The following ZNF174 variants were observed in gnomAD, a reference collection of about 807,000 sequenced individuals.
ZNF174 encodes the protein AW-1.
A neutral mutation model predicts 38.7 loss-of-function variants in ZNF174; 30 were observed. That is an observed-to-expected ratio of 0.78 (90% CI 0.58 to 1.05). ZNF174 has a LOEUF of 1.05. ZNF174 is among the 50% of genes least tolerant of loss of function. The pLI, the probability that ZNF174 is intolerant of heterozygous loss-of-function variation, is 0.00. For synonymous variants in ZNF174, 201 were observed against 181.7 expected, an observed-to-expected ratio of 1.11 and a Z score of -0.86; for missense variants, 499 against 495.6, an observed-to-expected ratio of 1.01 and a Z score of -0.06.
In ZNF174 at chr16:3,409,321, A is replaced by G. The variant is rs572758189; in HGVS notation, c.*402A>G. Reference sequence around the variant, plus strand: ...TTGCTGTCATACCAGACAATTTTTTATCATGAGCACACTTCTTTAATAAAG... The same window carrying G: ...TTGCTGTCATACCAGACAATTTTTTGTCATGAGCACACTTCTTTAATAAAG... On this transcript the variant is annotated 3_prime_UTR_variant, in exon 3 of 3. Coordinates refer to ENST00000268655, the MANE Select transcript of ZNF174 (RefSeq NM_003450.3). 5.4e-4 allele frequency: 93 copies of G among 171,552 alleles called. No homozygotes were observed. Among genetic ancestry groups the G allele is most frequent in the African/African-American group, 2.0e-3 (86 of 42,042 alleles). 10.6% of individuals were successfully genotyped at this position (171,552 alleles called of 1,614,324 possible).
chr16:3,401,473 G>A lies in ZNF174; in HGVS notation c.-532G>A, dbSNP rs2033896206. 1 of 152,912 alleles carries A rather than the reference G, an allele frequency of 6.5e-6. No homozygotes were observed. 9.5% of individuals were successfully genotyped at this position (152,912 alleles called of 1,614,324 possible). A position where few individuals can be genotyped will look rare whatever the true frequency, so the allele number is the denominator to read the frequency against. On this transcript the variant is annotated 5_prime_UTR_variant, in exon 1 of 3. Transcript: ENST00000268655. ...TGCGGCGCCTCGGCAGCGAGCAGCCGCTTTGCTCGCGTGCAGGAGGCTGTT... is the reference window on the plus strand; with the variant it reads ...TGCGGCGCCTCGGCAGCGAGCAGCCACTTTGCTCGCGTGCAGGAGGCTGTT...
chr16:3,404,219 C>T (rs2034016625), intron 1 of ZNF174, among the ~76,000 whole-genome samples: 1 of 152,182 alleles, frequency 6.6e-6, no homozygotes. Context: ...TAGGGGAAGC[C>T]ACTCGGCTGA....
intron 2 of ZNF174, chr16:3,405,051 G>C: frequency 6.3e-7 from 1 of 1,582,842 alleles, no homozygotes; most frequent in African/African-American, 1.4e-5. Flanking sequence ...TTATATCTTT[G>C]TCCTCCTCTG....
At chr16:3,404,295 G>A (rs1195988897) in intron 1 of ZNF174, 131 bp from the exon 2 acceptor site, 1 of 869,970 alleles carries the variant, frequency 1.1e-6, no homozygotes, top group Non-Finnish European at 1.8e-6. Flanking sequence ...GGGTTTCAGT[G>A]GTTTCTATGA....
intron 2 of ZNF174, among the ~76,000 whole-genome samples, chr16:3,406,464 G>T (rs1006349822): frequency 1.6e-4 from 25 of 152,126 alleles, no homozygotes; most frequent in African/African-American, 5.3e-4. Flanking sequence ...ACTTGTTATT[G>T]TCTTATACCC....
rs185124233 is a variant in ZNF174 at position 3,409,155 on chromosome 16, T to G, written c.*236T>G. ...GGCACTGGGGCAAAGAGAACTTAAG[T>G]CTCTGCAGAGAGCAAGGAGTAACTA... On this transcript the variant is annotated 3_prime_UTR_variant, in exon 3 of 3. Transcript: ENST00000268655. 40 of 531,378 alleles carry G rather than the reference T, an allele frequency of 7.5e-5. No homozygotes were observed. The highest frequency in any genetic ancestry group is 2.4e-4 in the Admixed American group (7 of 28,596). 32.9% of individuals were successfully genotyped at this position (531,378 alleles called of 1,614,324 possible).
rs528646946 is a variant in ZNF174 at position 3,406,430 on chromosome 16, C to T, written c.625+1782C>T. On this transcript the variant is annotated intron_variant, in intron 2 of 2. Coordinates refer to ENST00000268655, the MANE Select transcript of ZNF174 (RefSeq NM_003450.3). ...CCCCACCAATACTGTGTGAGGATTC[C>T]GATTTCTCCACATTCTTGCTAGCAC... Among the ~76,000 whole-genome samples, 222 of 152,274 alleles carry T rather than the reference C, an allele frequency of 1.5e-3. 1 individual carries two copies. The highest frequency in any genetic ancestry group is 6.8e-3 in the Middle Eastern group (2 of 294).
chr16:3,403,885 TAGGCAAGA>T (rs1309352922), intron 1 of ZNF174, among the ~76,000 whole-genome samples: 1 of 152,170 alleles, frequency 6.6e-6, no homozygotes, highest in Non-Finnish European at 1.5e-5. Flanking sequence ...AGTCAGGACC[TAGGCAAGA>T]AGCAAACGGC....
At chr16:3,406,077 C>T (rs1348032115) in intron 2 of ZNF174, among the ~76,000 whole-genome samples, 1 of 152,206 alleles carries the variant, frequency 6.6e-6, no homozygotes, top group African/African-American at 2.4e-5. Context: ...TTTCACTGAG[C>T]ATGTTTTCAA....
intron 2 of ZNF174, 64 bp from the exon 3 acceptor site, chr16:3,408,257 A>G (rs2034080907): frequency 2.0e-6 from 3 of 1,478,906 alleles, no homozygotes; most frequent in South Asian, 1.3e-5. Context: ...AGAGTATTTC[A>G]TAACTCTTGC....
chr16:3,401,657 C>A lies in ZNF174; in HGVS notation c.-348C>A, dbSNP rs1227712321. Reference sequence around the variant, plus strand: ...TTCCTAGGGATTCCGCTCCACCCGCCGGTTAGAGCGTATTGCTCATTAAAT... The same window carrying A: ...TTCCTAGGGATTCCGCTCCACCCGCAGGTTAGAGCGTATTGCTCATTAAAT... On this transcript the variant is annotated 5_prime_UTR_variant, in exon 1 of 3. Coordinates refer to ENST00000268655, the MANE Select transcript of ZNF174 (RefSeq NM_003450.3). 4.7e-6 allele frequency: 1 copy of A among 213,882 alleles called. No homozygotes were observed. The highest frequency in any genetic ancestry group is 2.4e-5 in the African/African-American group (1 of 41,944). The allele number at this position is 213,882 out of a possible 1,614,324, so 13.2% of individuals were successfully genotyped here.
In ZNF174 at chr16:3,401,244, G is replaced by A. The variant is rs984154244; in HGVS notation, c.-761G>A. The A allele has an allele frequency of 6.6e-6, 1 of 152,392 alleles. No individual in the cohort carries two copies. The highest frequency in any genetic ancestry group is 2.4e-5 in the African/African-American group (1 of 41,464). The allele number at this position is 152,392 out of a possible 1,614,324, so 9.4% of individuals were successfully genotyped here. On this transcript the variant is annotated 5_prime_UTR_variant, in exon 1 of 3. Coordinates refer to ENST00000268655, the MANE Select transcript of ZNF174 (RefSeq NM_003450.3). The stretch of plus-strand genomic sequence containing the variant: ...CGTGCTCGCCGGTGTCGGGTCCTAA[G>A]TCCCTCGGTCTTGGGTTCCCGGAGA...
chr16:3,407,643 A>T (rs112001380), intron 2 of ZNF174, among the ~76,000 whole-genome samples: 2 of 152,202 alleles, frequency 1.3e-5, no homozygotes, highest in African/African-American at 4.8e-5. Flanking sequence ...GTGTGCACAC[A>T]CACATTTTCC....
Position 3,408,828 on chromosome 16 carries a change from G to T in ZNF174, c.1133G>T (p.Gly378Val). 6.2e-7 allele frequency: 1 copy of T among 1,614,184 alleles called. No individual in the cohort carries two copies. Among genetic ancestry groups the T allele is most frequent in the Non-Finnish European group, 8.5e-7 (1 of 1,180,038 alleles). Residue 378 changes from glycine to valine, a missense_variant, in exon 3 of 3, where the codon GGA (glycine) becomes GTA (valine). Physicochemically the swap from Gly to Val is moderately radical, Grantham distance 109. Transcript: ENST00000268655. ...TLKLHQRIHT[G>V]EKPYQCGQCG... is the part of the protein sequence containing the mutation. ...AAGCTGCACCAGAGGATCCACACTG[G>T]AGAGAAGCCATACCAGTGTGGCCAG...
chr16:3,402,244 C>G lies in ZNF174; in HGVS notation c.240C>G (p.His80Gln), dbSNP rs780396020. 4 of 1,614,030 alleles carry G rather than the reference C, an allele frequency of 2.5e-6. No individual in the cohort carries two copies. The highest frequency in any genetic ancestry group is 3.4e-6 in the Non-Finnish European group (4 of 1,180,034). ...GTCAGTGGTTGCAACCCGAGCTGCA[C>G]ACCAAGGAGCAGATTTTGGAGCTTC... is the stretch of plus-strand genomic sequence containing the variant. ...LCRQWLQPEL[H>Q]TKEQILELLV... The change falls in exon 1 of 3, where the codon CAC becomes CAG. Residue 80 changes from histidine to glutamine, a missense_variant. Physicochemically the swap from His to Gln is conservative, Grantham distance 24. Transcript: ENST00000268655.
rs1030312216 is a variant in ZNF174 at position 3,406,511 on chromosome 16, A to T, written c.626-1810A>T. On this transcript the variant is annotated intron_variant, in intron 2 of 2. Transcript: ENST00000268655. ...TGAGAAATTTTGATTTGAGGTTTTG[A>T]TTTACATTTCCCTAGTGACTAATGG... Among the ~76,000 whole-genome samples, 4 of 152,268 alleles carry T rather than the reference A, an allele frequency of 2.6e-5. No homozygotes were observed. In the East Asian group the frequency reaches 5.8e-4, roughly 22 times the overall value.
chr16:3,406,262 T>C (rs2034054248), intron 2 of ZNF174, among the ~76,000 whole-genome samples: 2 of 152,228 alleles, frequency 1.3e-5, no homozygotes, highest in Admixed American at 1.3e-4. Context: ...TATAAATGTG[T>C]GTTTTTGTGT....
At position 3,402,256 on chromosome 16, in the gene ZNF174, G is replaced by A. The variant is rs2033933002; in HGVS notation, c.252G>A (p.Gln84=). The A allele has an allele frequency of 6.2e-7, 1 of 1,614,102 alleles. No individual in the cohort carries two copies. The highest frequency in any genetic ancestry group is 8.5e-7 in the Non-Finnish European group (1 of 1,180,018). ...WLQPELHTKE[Q]ILELLVMEQF... ...AACCCGAGCTGCACACCAAGGAGCA[G>A]ATTTTGGAGCTTCTGGTGATGGAGC... Residue 84 remains glutamine, a synonymous_variant, in exon 1 of 3, where the codon CAG becomes CAA. Transcript: ENST00000268655.
intron 1 of ZNF174, among the ~76,000 whole-genome samples, chr16:3,402,840 G>T (rs2033974210): frequency 6.6e-6 from 1 of 152,160 alleles, no homozygotes; most frequent in East Asian, 1.9e-4. Context: ...GGCTTCAGAA[G>T]TTGCTTCCAG....
Sources: gnomAD v4.1 joint callset for allele counts (sites outside exome capture counted in the v4.1 genomes callset) on GRCh38, gnomAD v4.1.1 for gene constraint, MANE v1.5 for transcripts, NCBI Gene and HGNC (gene_info 2026-07-23, HGNC 2026-07-21) for gene names.